The following MYOM1 variants were observed in gnomAD, a reference collection of about 807,000 sequenced individuals.
MYOM1 encodes the protein myomesin 1.
Under a neutral mutation model 205.3 loss-of-function variants are expected in MYOM1, and 164 were observed. The ratio of observed to expected loss-of-function variants is 0.80; its 90% CI spans 0.70 to 0.91. The LOEUF (loss-of-function observed/expected upper bound fraction) is 0.91. MYOM1 is among the 40% of genes least tolerant of loss of function. MYOM1 has a pLI of 0.00. For missense variants in MYOM1, 2,011 were observed against 2,127.3 expected, an observed-to-expected ratio of 0.95 and a Z score of 1.08; for synonymous variants, 772 against 789.4, an observed-to-expected ratio of 0.98 and a Z score of 0.37.
chr18:3,092,315 C>G (rs1276466040), intron 26 of MYOM1, among the ~76,000 whole-genome samples: 2 of 152,106 alleles, frequency 1.3e-5, no homozygotes, highest in African/African-American at 2.4e-5. Flanking sequence ...GCCTCAGGAT[C>G]TTGAGGCTAG....
chr18:3,195,870 C>G (rs1192577549), intron 2 of MYOM1, among the ~76,000 whole-genome samples: 2 of 151,734 alleles, frequency 1.3e-5, no homozygotes, highest in Non-Finnish European at 2.9e-5. Context: ...TTATGTCCTT[C>G]CAATGTAAGA....
At chr18:3,094,393 A>C (rs1471734945) in intron 25 of MYOM1, 87 bp from the exon 26 acceptor site, 20 of 1,177,016 alleles carry the variant, frequency 1.7e-5, no homozygotes, top group African/African-American at 4.7e-5. Flanking sequence ...AAAAAAAAAA[A>C]ACCACACAAT....
intron 34 of MYOM1, among the ~76,000 whole-genome samples, chr18:3,078,856 G>C (rs2079050447): frequency 6.6e-6 from 1 of 151,868 alleles, no homozygotes; most frequent in African/African-American, 2.4e-5. Context: ...TATTTTTATA[G>C]AGATGGGGTT....
At chr18:3,129,608 G>A (rs2079847431) in intron 17 of MYOM1, 89 bp from the exon 18 acceptor site, 2 of 1,383,154 alleles carry the variant, frequency 1.4e-6, no homozygotes, top group Non-Finnish European at 9.7e-7. Context: ...AAAAACATTA[G>A]GACCACAAGC....
intron 5 of MYOM1, among the ~76,000 whole-genome samples, chr18:3,177,136 G>C (rs1481174943): frequency 6.6e-6 from 1 of 151,862 alleles, no homozygotes; most frequent in Non-Finnish European, 1.5e-5. Flanking sequence ...CTACTTTGGA[G>C]GCTGCAGTGG....
At chr18:3,122,498 C>G (rs1455289410) in intron 19 of MYOM1, among the ~76,000 whole-genome samples, 1 of 152,156 alleles carries the variant, frequency 6.6e-6, no homozygotes, top group Non-Finnish European at 1.5e-5. Flanking sequence ...AATGAGTGAA[C>G]TTTATGATGT....
intron 2 of MYOM1, among the ~76,000 whole-genome samples, chr18:3,201,225 C>G (rs1265803364): frequency 6.6e-6 from 1 of 151,906 alleles, no homozygotes; most frequent in Non-Finnish European, 1.5e-5. Context: ...ATGGTGGAAC[C>G]CTGCCTCTAC....
rs1422723970 is a variant in MYOM1 at position 3,124,136 on chromosome 18, C to T, written c.2991+2565G>A. The stretch of plus-strand genomic sequence containing the variant: ...ACAGGTGCGAGCCACCATGCCCGGC[C>T]TATAAAGCTATAATATTTAAATCAG... On this transcript the variant is annotated intron_variant, in intron 19 of 37. Transcript: ENST00000356443. 1.3e-5 allele frequency among the ~76,000 whole-genome samples: 2 copies of T among 150,550 alleles called. 1 individual carries two copies. The highest frequency in any genetic ancestry group is 4.9e-5 in the African/African-American group (2 of 40,496).
chr18:3,075,846 G>T, intron 34 of MYOM1, 85 bp from the exon 35 acceptor site: 1 of 1,226,856 alleles, frequency 8.2e-7, no homozygotes, highest in Non-Finnish European at 1.2e-6. Context: ...ACTGGAGATT[G>T]CTGTGATCGG....
intron 34 of MYOM1, among the ~76,000 whole-genome samples, chr18:3,077,567 T>C (rs1356218020): frequency 6.6e-6 from 1 of 152,110 alleles, no homozygotes; most frequent in Non-Finnish European, 1.5e-5. Flanking sequence ...CGCACCACTC[T>C]GACAGAGAGG....
At chr18:3,110,852 C>T (rs2079516093) in intron 22 of MYOM1, among the ~76,000 whole-genome samples, 1 of 151,186 alleles carries the variant, frequency 6.6e-6, no homozygotes, top group Non-Finnish European at 1.5e-5. Flanking sequence ...TCAAAACAGT[C>T]CTCGTATGAT....
At chr18:3,166,540 C>T in intron 9 of MYOM1, among the ~76,000 whole-genome samples, 1 of 152,108 alleles carries the variant, frequency 6.6e-6, no homozygotes. Flanking sequence ...CCCACCTCAG[C>T]CTCCCAAAGT....
rs1384392286 is a variant in MYOM1, at chr18:3,191,079, C to A, written c.432-1992G>T. ...CCTTTAAGTAAAAGTCAGGATTTAT[C>A]AGTGATAACCCTTCTATAATGTGGA... On this transcript the variant is annotated intron_variant, in intron 3 of 37. Transcript: ENST00000356443. 2.6e-5 allele frequency among the ~76,000 whole-genome samples: 4 copies of A among 152,162 alleles called. 1 individual carries two copies. The highest frequency in any genetic ancestry group is 5.9e-5 in the Non-Finnish European group (4 of 68,030).
At chr18:3,127,282 C>CATATATATATATATATATATATATAT (rs1241920775) in intron 18 of MYOM1, among the ~76,000 whole-genome samples, 13 of 59,490 alleles carry the variant, frequency 2.2e-4, no homozygotes, top group Non-Finnish European at 2.8e-4. Flanking sequence ...TCAGAATTTC[C>CATATATATATATATATATATATATAT]ATATATATAT....
intron 19 of MYOM1, among the ~76,000 whole-genome samples, chr18:3,123,240 GATATGAATAT>G (rs1214619184): frequency 6.6e-6 from 1 of 152,064 alleles, no homozygotes; most frequent in Non-Finnish European, 1.5e-5. Context: ...ATTTGCAGAT[GATATGAATAT>G]ACATAGACTC....
At chr18:3,208,808 A>T (rs911704988) in intron 2 of MYOM1, among the ~76,000 whole-genome samples, 4 of 152,194 alleles carry the variant, frequency 2.6e-5, no homozygotes, top group African/African-American at 7.2e-5. Context: ...TATATCAGCA[A>T]CAATAGAGAC....
chr18:3,181,549 T>G (rs2080730173), intron 5 of MYOM1, among the ~76,000 whole-genome samples: 1 of 152,166 alleles, frequency 6.6e-6, no homozygotes, highest in Non-Finnish European at 1.5e-5. Flanking sequence ...ATCTTGAAAA[T>G]AAACTCAATG....
rs1157780031 is a variant in MYOM1, at chr18:3,209,978, C to T, written c.290+4956G>A. ...CAGTAAATATTTATTGAATGAATGA[C>T]TCATAATGCCTAAACCTCACTGGGT... On this transcript the variant is annotated intron_variant, in intron 2 of 37. Transcript: ENST00000356443. This position sits in a 1 kb window ranked among gnomAD's most constrained non-coding sequence, Gnocchi z 4.0. 6.6e-6 allele frequency among the ~76,000 whole-genome samples: 1 copy of T among 152,218 alleles called. No individual in the cohort carries two copies. Among genetic ancestry groups the T allele is most frequent in the Non-Finnish European group, 1.5e-5 (1 of 68,038 alleles).
In MYOM1 at chr18:3,179,633, C is replaced by T. The variant is rs908193672; in HGVS notation, c.930-3499G>A. On this transcript the variant is annotated intron_variant, in intron 5 of 37. Coordinates refer to ENST00000356443, the MANE Select transcript of MYOM1 (RefSeq NM_003803.4). This position sits in a 1 kb window ranked among gnomAD's most constrained non-coding sequence, Gnocchi z 4.4. ...TTGATGCAGTGCTATTTCCTGCCAGCAGCTTCAGACAGCTGTCTCAACATG... is the reference window on the plus strand; with the variant it reads ...TTGATGCAGTGCTATTTCCTGCCAGTAGCTTCAGACAGCTGTCTCAACATG... Among the ~76,000 whole-genome samples, 1 of 152,192 alleles carries T rather than the reference C, an allele frequency of 6.6e-6. No individual in the cohort carries two copies. The highest frequency in any genetic ancestry group is 6.5e-5 in the Admixed American group (1 of 15,276).
Sources: allele counts gnomAD v4.1 joint callset (sites outside exome capture counted in the v4.1 genomes callset), GRCh38; gene constraint gnomAD v4.1.1; non-coding constraint Gnocchi (gnomAD v3.1); transcripts MANE v1.5; gene names NCBI Gene and HGNC (gene_info 2026-07-23, HGNC 2026-07-21).